KCNJ12: variants seen among roughly 807,000 people sequenced by gnomAD.
The protein encoded by KCNJ12 is ATP-sensitive inward rectifier potassium channel 12.
A neutral mutation model predicts 22.3 loss-of-function variants in KCNJ12; 2 were observed. That is an observed-to-expected ratio of 0.09 (90% CI 0.04 to 0.28). The LOEUF is 0.28. Among genes scored for constraint, KCNJ12 ranks in the 10% least tolerant of loss-of-function variants. KCNJ12 has a pLI of 1.00. For synonymous variants in KCNJ12, 117 were observed against 261.4 expected (o/e 0.45, Z 5.33); for missense variants, 155 against 633.3 (o/e 0.24, Z 8.11).
intron 1 of KCNJ12, among the ~76,000 whole-genome samples, chr17:21,399,551 C>A (rs1015670641): frequency 6.6e-6 from 1 of 152,190 alleles, no homozygotes; most frequent in Admixed American, 6.5e-5. Flanking sequence ...GACACCAGGG[C>A]CCTACCCCAC....
chr17:21,399,618 G>A (rs1341609582), intron 1 of KCNJ12, among the ~76,000 whole-genome samples: 1 of 152,186 alleles, frequency 6.6e-6, no homozygotes, highest in Non-Finnish European at 1.5e-5. Context: ...TGCCACCAAA[G>A]GAATGGGAGA....
At chr17:21,401,943 GGA>G (rs1905641924) in intron 1 of KCNJ12, among the ~76,000 whole-genome samples, 1 of 152,230 alleles carries the variant, frequency 6.6e-6, no homozygotes, top group African/African-American at 2.4e-5. Flanking sequence ...AGGATGCATA[GGA>G]GTTTGAGGGA....
At chr17:21,390,975 G>A (rs868970206) in intron 1 of KCNJ12, among the ~76,000 whole-genome samples, 1 of 152,200 alleles carries the variant, frequency 6.6e-6, no homozygotes, top group African/African-American at 2.4e-5. Context: ...GCCAGTCCCT[G>A]CACCATCCCC....
intron 2 of KCNJ12, among the ~76,000 whole-genome samples, chr17:21,414,034 C>T (rs1374394145): frequency 6.6e-6 from 1 of 152,308 alleles, no homozygotes; most frequent in Non-Finnish European, 1.5e-5. Context: ...TTTGGCACTG[C>T]TGGTGACCAA....
At chr17:21,393,278 T>G (rs2142055781) in intron 1 of KCNJ12, among the ~76,000 whole-genome samples, 2 of 152,286 alleles carry the variant, frequency 1.3e-5, no homozygotes, top group South Asian at 4.1e-4. Flanking sequence ...ATGGTGCTTT[T>G]TTGAGCCACA....
intron 1 of KCNJ12, among the ~76,000 whole-genome samples, chr17:21,384,133 CT>C (rs1305975323): frequency 2.0e-5 from 3 of 152,096 alleles, no homozygotes; most frequent in East Asian, 1.9e-4. Flanking sequence ...TCTAAGTTGC[CT>C]TTTTTTAAAT....
At chr17:21,385,913 G>A (rs1320253) in intron 1 of KCNJ12, among the ~76,000 whole-genome samples, 61,460 of 152,150 alleles carry the variant, frequency 0.4, 15,047 homozygotes, top group Non-Finnish European at 0.53. Context: ...CCTGTGAAAT[G>A]GGAACACTAG....
intron 1 of KCNJ12, among the ~76,000 whole-genome samples, chr17:21,406,289 A>AAG (rs1905932112): frequency 2.0e-5 from 3 of 151,016 alleles, no homozygotes; most frequent in Non-Finnish European, 4.4e-5. Flanking sequence ...CAGGGCTTGC[A>AAG]CAGTGTTGGC....
intron 2 of KCNJ12, among the ~76,000 whole-genome samples, chr17:21,410,472 G>C (rs1185612056): frequency 2.0e-5 from 3 of 152,262 alleles, no homozygotes; most frequent in Non-Finnish European, 4.4e-5. Flanking sequence ...TGGGCGGGGA[G>C]GCGTGCGCCA....
intron 1 of KCNJ12, among the ~76,000 whole-genome samples, chr17:21,395,068 CAGG>C (rs1411798307): frequency 6.6e-6 from 1 of 152,006 alleles, no homozygotes; most frequent in Non-Finnish European, 1.5e-5. Context: ...GAGGCTGAGG[CAGG>C]AGGATTACTT....
intron 1 of KCNJ12, among the ~76,000 whole-genome samples, chr17:21,381,026 A>G (rs1030302127): frequency 6.6e-6 from 1 of 152,228 alleles, no homozygotes; most frequent in Admixed American, 6.5e-5. Flanking sequence ...GCCTTCAGCC[A>G]TGCATCATTG....
At chr17:21,398,913 C>T (rs1905475168) in intron 1 of KCNJ12, among the ~76,000 whole-genome samples, 1 of 152,260 alleles carries the variant, frequency 6.6e-6, no homozygotes, top group Admixed American at 6.5e-5. Context: ...CTAACATCTG[C>T]TGGACCAGGG....
Position 21,419,719 on chromosome 17 carries a change from T to G in KCNJ12, c.*3075T>G, listed in dbSNP as rs1365058570. On this transcript the variant is annotated 3_prime_UTR_variant, in exon 3 of 3. Transcript: ENST00000583088. ...AGGAGCCACCGTTGGGAGGCCCCTGTACGGGGTGTCTGCCCTGCGTGAGGG... is the reference window on the plus strand; with the variant it reads ...AGGAGCCACCGTTGGGAGGCCCCTGGACGGGGTGTCTGCCCTGCGTGAGGG... The G allele has an allele frequency of 1.2e-5, 2 of 167,262 alleles. No homozygotes were observed. Among genetic ancestry groups the G allele is most frequent in the Non-Finnish European group, 2.9e-5 (2 of 68,248 alleles). The allele number at this position is 167,262 out of a possible 1,614,324, so 10.4% of individuals were successfully genotyped here. A position where few individuals can be genotyped will look rare whatever the true frequency, so the allele number is the denominator to read the frequency against.
intron 1 of KCNJ12, among the ~76,000 whole-genome samples, chr17:21,377,971 A>C (rs1555557479): frequency 6.6e-6 from 1 of 152,182 alleles, no homozygotes; most frequent in Non-Finnish European, 1.5e-5. Flanking sequence ...GAGCCCTGCA[A>C]TAAAGCGCTG....
chr17:21,411,747 T>A (rs1311594442), intron 2 of KCNJ12, among the ~76,000 whole-genome samples: 7 of 152,282 alleles, frequency 4.6e-5, no homozygotes, highest in Admixed American at 4.6e-4. Context: ...GATTTCACTG[T>A]ATGCACCCCA....
At chr17:21,402,876 G>A (rs1597570920) in intron 1 of KCNJ12, among the ~76,000 whole-genome samples, 1 of 152,302 alleles carries the variant, frequency 6.6e-6, no homozygotes, top group Non-Finnish European at 1.5e-5. Context: ...CTGGATTACA[G>A]AGGGACTGAG....
chr17:21,411,860 C>T (rs1906368600), intron 2 of KCNJ12, among the ~76,000 whole-genome samples: 1 of 152,312 alleles, frequency 6.6e-6, no homozygotes, highest in Non-Finnish European at 1.5e-5. Flanking sequence ...AACATCTTGC[C>T]ACACCTGTGT....
Position 21,418,295 on chromosome 17 carries a change from TCAGAGCCAGAAGGCAC to T in KCNJ12, c.*1653_*1668del, listed in dbSNP as rs1906961466. ...GCTCCAACTCTGCCCCCGAGACAGC[TCAGAGCCAGAAGGCAC>T]CCCGAGACAGCTCAGAGCCAGAAGG... On this transcript the variant is annotated 3_prime_UTR_variant, in exon 3 of 3. Transcript: ENST00000583088. 2 of 140,918 alleles carry T rather than the reference TCAGAGCCAGAAGGCAC, an allele frequency of 1.4e-5. No individual in the cohort carries two copies. Among genetic ancestry groups the T allele is most frequent in the African/African-American group, 9.0e-5 (2 of 22,242 alleles). 8.7% of individuals were successfully genotyped at this position (140,918 alleles called of 1,614,324 possible).
chr17:21,385,651 C>T (rs539216975), intron 1 of KCNJ12, among the ~76,000 whole-genome samples: 82 of 152,340 alleles, frequency 5.4e-4, no homozygotes, highest in African/African-American at 2.0e-3. Flanking sequence ...CGCTGCCCTC[C>T]TCTTTTCCTC....
Sources: allele counts gnomAD v4.1 joint callset (sites outside exome capture counted in the v4.1 genomes callset), GRCh38; gene constraint gnomAD v4.1.1; transcripts MANE v1.5; gene names NCBI Gene and HGNC (gene_info 2026-07-23, HGNC 2026-07-21).